Variants in RYK observed in about 807,000 individuals in gnomAD.
RYK encodes inactive tyrosine-protein kinase RYK.
A neutral mutation model predicts 70.2 loss-of-function variants in RYK; 21 were observed. The observed-to-expected ratio is 0.30, with a 90% CI of 0.21 to 0.43. RYK has a LOEUF of 0.43. Ranked by LOEUF, RYK falls within the 20% of genes least tolerant of loss-of-function variation. The probability of loss-of-function intolerance (pLI) is 1.00; values close to 1 mark genes in which losing one functional copy is unlikely to be tolerated. For synonymous variants in RYK, 267 were observed against 278.0 expected (o/e 0.96, Z 0.39); for missense variants, 604 against 753.3 (o/e 0.80, Z 2.32).
At chr3:134,250,313 C>T in intron 1 of RYK, 110 bp downstream of exon 1, 1 of 479,498 alleles carries the variant, frequency 2.1e-6, no homozygotes, top group Non-Finnish European at 3.2e-6. Flanking sequence ...GCGCGGGGGG[C>T]GGGGAGGGTA....
intron 6 of RYK, among the ~76,000 whole-genome samples, chr3:134,199,996 A>G (rs1349454426): frequency 7.7e-4 from 117 of 151,056 alleles, no homozygotes; most frequent in African/African-American, 2.4e-3. Flanking sequence ...CTGTAAAAAC[A>G]GACCAATCAG....
intron 6 of RYK, among the ~76,000 whole-genome samples, chr3:134,198,276 T>G (rs2013876144): frequency 6.6e-6 from 1 of 152,236 alleles, no homozygotes; most frequent in African/African-American, 2.4e-5. Flanking sequence ...GTCAGAACTT[T>G]GGGAAAGATC....
intron 1 of RYK, among the ~76,000 whole-genome samples, chr3:134,230,278 G>A (rs911430028): frequency 2.6e-5 from 4 of 152,230 alleles, no homozygotes; most frequent in East Asian, 1.9e-4. Context: ...GTAGAAACGC[G>A]GTTTCACTAT....
At chr3:134,172,646 T>TA (rs1477718540) in intron 13 of RYK, among the ~76,000 whole-genome samples, 8 of 151,944 alleles carry the variant, frequency 5.3e-5, no homozygotes, top group African/African-American at 7.3e-5. Flanking sequence ...TTTCTCTCCC[T>TA]AAAAAAAAGC....
At chr3:134,229,364 G>C (rs1576532621) in intron 1 of RYK, among the ~76,000 whole-genome samples, 1 of 111,784 alleles carries the variant, frequency 8.9e-6, no homozygotes, top group Admixed American at 1.1e-4. Context: ...TCTCTCCCTT[G>C]CTCTCCTTTG....
intron 1 of RYK, among the ~76,000 whole-genome samples, chr3:134,229,294 T>TTCTC (rs34305748): frequency 3.3e-4 from 48 of 143,888 alleles, no homozygotes; most frequent in Admixed American, 7.7e-4. Context: ...CTCTACTGCC[T>TTCTC]TCTCTCTCTC....
intron 9 of RYK, among the ~76,000 whole-genome samples, chr3:134,187,384 G>A (rs2013498456): frequency 6.6e-6 from 1 of 151,962 alleles, no homozygotes; most frequent in Admixed American, 6.6e-5. Context: ...TCATAAAACT[G>A]AATTTAATCT....
chr3:134,227,595 T>C (rs1370010534), intron 1 of RYK, among the ~76,000 whole-genome samples: 2 of 152,020 alleles, frequency 1.3e-5, no homozygotes, highest in Non-Finnish European at 2.9e-5. Flanking sequence ...TACCACCTCA[T>C]TCCTGTTAGG....
intron 1 of RYK, 22 bp downstream of exon 1, chr3:134,250,401 C>T (rs977662720): frequency 1.1e-5 from 15 of 1,360,008 alleles, no homozygotes; most frequent in Admixed American, 5.7e-5. Context: ...CTGCCCGCCC[C>T]GGCCTCGGCG....
intron 6 of RYK, among the ~76,000 whole-genome samples, chr3:134,200,959 G>A (rs1388155057): frequency 6.6e-6 from 1 of 152,230 alleles, no homozygotes; most frequent in African/African-American, 2.4e-5. Context: ...GATGCCCCAT[G>A]GAATCTGAAA....
chr3:134,243,759 TC>T (rs2107697711), intron 1 of RYK, among the ~76,000 whole-genome samples: 1 of 152,252 alleles, frequency 6.6e-6, no homozygotes, highest in South Asian at 2.1e-4. Flanking sequence ...GGGACAAGTT[TC>T]CTAAACTCTC....
At chr3:134,188,629 C>G (rs1216042864) in intron 9 of RYK, among the ~76,000 whole-genome samples, 20 of 152,096 alleles carry the variant, frequency 1.3e-4, no homozygotes, top group Admixed American at 1.3e-3. Context: ...CTTAATTTAA[C>G]AGACTTCTGT....
intron 1 of RYK, among the ~76,000 whole-genome samples, chr3:134,239,039 A>G (rs2015255555): frequency 6.6e-6 from 1 of 152,118 alleles, no homozygotes; most frequent in Non-Finnish European, 1.5e-5. Context: ...GGAGAGACAA[A>G]ATATGATGGG....
intron 5 of RYK, among the ~76,000 whole-genome samples, chr3:134,203,302 C>T (rs867314745): frequency 3.9e-5 from 6 of 152,230 alleles, no homozygotes; most frequent in Middle Eastern, 3.4e-3. Flanking sequence ...GAGCCGAGAT[C>T]GCTCCACTGT....
At chr3:134,237,371 T>A (rs1385103109) in intron 1 of RYK, among the ~76,000 whole-genome samples, 1 of 152,208 alleles carries the variant, frequency 6.6e-6, no homozygotes. Context: ...TCCATCTTCC[T>A]ATTACCTTGC....
intron 6 of RYK, among the ~76,000 whole-genome samples, chr3:134,199,861 G>A (rs1372499279): frequency 1.3e-5 from 2 of 151,954 alleles, no homozygotes; most frequent in Admixed American, 1.3e-4. Flanking sequence ...GCACCAAACG[G>A]CACTCTGTGT....
At chr3:134,229,939 G>C (rs2015012914) in intron 1 of RYK, among the ~76,000 whole-genome samples, 1 of 152,148 alleles carries the variant, frequency 6.6e-6, no homozygotes, top group South Asian at 2.1e-4. Flanking sequence ...ACATTGCTAA[G>C]AGTGTAAAAA....
chr3:134,192,352 A>G (rs1442735118), intron 7 of RYK, among the ~76,000 whole-genome samples: 1 of 152,108 alleles, frequency 6.6e-6, no homozygotes, highest in Non-Finnish European at 1.5e-5. Flanking sequence ...ATATAGTCTC[A>G]TAACACACCA....
chr3:134,166,597 A>G (rs11922210), intron 13 of RYK, among the ~76,000 whole-genome samples: 13,896 of 152,264 alleles, frequency 0.091, 1,298 homozygotes, highest in South Asian at 0.32. Context: ...GCCATTACAC[A>G]TATCTGTTAT....
Sources: allele counts gnomAD v4.1 joint callset (sites outside exome capture counted in the v4.1 genomes callset), GRCh38; gene constraint gnomAD v4.1.1; transcripts MANE v1.5; gene names NCBI Gene and HGNC (gene_info 2026-07-23, HGNC 2026-07-21).